Variants in IQANK1 observed in about 807,000 individuals in gnomAD.
IQANK1 encodes IQ motif and ankyrin repeat containing 1.
Under a neutral mutation model 22.6 loss-of-function variants are expected in IQANK1, and 30 were observed. The observed-to-expected ratio is 1.33, with a 90% confidence interval of 0.99 to 1.80. The LOEUF (loss-of-function observed/expected upper bound fraction) is 1.80. IQANK1 is among the 40% of genes most tolerant of loss of function. IQANK1 has a pLI of 0.00. For synonymous variants in IQANK1, 122 were observed against 99.6 expected, an observed-to-expected ratio of 1.23 and a Z score of -1.34; for missense variants, 275 against 235.2, an observed-to-expected ratio of 1.17 and a Z score of -1.11.
chr8:143,787,132 A>G (rs934419343), intron 7 of IQANK1, among the ~76,000 whole-genome samples: 7 of 152,074 alleles, frequency 4.6e-5, no homozygotes, highest in Non-Finnish European at 7.4e-5. Context: ...CTCATCCACC[A>G]CTGGCAGACG....
chr8:143,774,454 C>A lies in IQANK1; in HGVS notation c.789+1972C>A, dbSNP rs1819645287. On this transcript the variant is annotated intron_variant, in intron 7 of 13. Transcript: ENST00000527139. This position sits in a 1 kb window ranked among gnomAD's most constrained non-coding sequence, Gnocchi z 4.2. ...CAGATGAACACCCGAGGAGGTGTTG[C>A]ACACCACCTCACACCTCCCAGGACA... 1.3e-5 allele frequency among the ~76,000 whole-genome samples: 2 copies of A among 152,272 alleles called. No individual in the cohort carries two copies. Among genetic ancestry groups the A allele is most frequent in the South Asian group, 4.1e-4 (2 of 4,824 alleles).
intron 2 of IQANK1, among the ~76,000 whole-genome samples, chr8:143,738,173 G>A (rs781887468): frequency 5.3e-5 from 8 of 152,146 alleles, no homozygotes; most frequent in Middle Eastern, 3.2e-3. Flanking sequence ...CCCAGCTGCC[G>A]GCTGGGCCCT....
At chr8:143,753,035 A>G (rs1288409095) in intron 3 of IQANK1, among the ~76,000 whole-genome samples, 3 of 109,536 alleles carry the variant, frequency 2.7e-5, no homozygotes, top group African/African-American at 1.1e-4. Flanking sequence ...ACAGGGTCTC[A>G]CTCTGTCACC....
At chr8:143,776,284 G>A (rs1341498290) in intron 7 of IQANK1, among the ~76,000 whole-genome samples, 4 of 124,620 alleles carry the variant, frequency 3.2e-5, no homozygotes, top group African/African-American at 7.3e-5. Context: ...TGGCGCCACT[G>A]CAGTCCGCAG....
intron 7 of IQANK1, among the ~76,000 whole-genome samples, chr8:143,775,341 C>CAG (rs1819661815): frequency 6.7e-6 from 1 of 150,196 alleles, no homozygotes; most frequent in Non-Finnish European, 1.5e-5. Flanking sequence ...ATGCTACACA[C>CAG]ACACACACAC....
intron 7 of IQANK1, among the ~76,000 whole-genome samples, chr8:143,778,039 A>G (rs1382556862): frequency 2.0e-5 from 3 of 152,012 alleles, no homozygotes; most frequent in African/African-American, 7.2e-5. Flanking sequence ...CTAAAAATAC[A>G]AAAAAATTAG....
chr8:143,784,138 T>C (rs1054073333), intron 7 of IQANK1, among the ~76,000 whole-genome samples: 4 of 152,064 alleles, frequency 2.6e-5, no homozygotes. Context: ...CATTTCTGTA[T>C]CAACCAGGAT....
At chr8:143,744,091 C>CA (rs1818981043) in intron 3 of IQANK1, 2 of 245,356 alleles carry the variant, frequency 8.2e-6, no homozygotes, top group South Asian at 8.0e-5. Context: ...CTCAGCCTCC[C>CA]AAAGTGCTGG....
rs1554625497 is a variant in IQANK1, at chr8:143,735,288, G to T, written c.-4-562G>T. On this transcript the variant is annotated intron_variant, in intron 1 of 13. Coordinates refer to ENST00000527139, the MANE Select transcript of IQANK1 (RefSeq NM_001381874.1). The surrounding 1 kb of genome is among the most constrained non-coding windows in gnomAD (Gnocchi z 5.2). Reference sequence around the variant, plus strand: ...GCCTCCCAGGGAAATGAACTTGGGGGTCAGCTGTGTGGACTAGGGAGAGGG... The same window carrying T: ...GCCTCCCAGGGAAATGAACTTGGGGTTCAGCTGTGTGGACTAGGGAGAGGG... 1.3e-5 allele frequency among the ~76,000 whole-genome samples: 2 copies of T among 152,174 alleles called. No homozygotes were observed. The highest frequency in any genetic ancestry group is 2.9e-5 in the Non-Finnish European group (2 of 68,042).
chr8:143,744,938 T>G (rs1554627070), intron 3 of IQANK1: 1 of 152,286 alleles, frequency 6.6e-6, no homozygotes, highest in African/African-American at 2.4e-5. Flanking sequence ...AGGGGTGTGG[T>G]GATCTTGTCA....
In IQANK1 at chr8:143,773,556, C is replaced by A. The variant is rs2129915020; in HGVS notation, c.789+1074C>A. ...CCCCCACCCCACCCCTAACCTCACC[C>A]CACATCCCACACAAATCTGGAGGTG... On this transcript the variant is annotated intron_variant, in intron 7 of 13. Transcript: ENST00000527139. Among the ~76,000 whole-genome samples, 2 of 152,308 alleles carry A rather than the reference C, an allele frequency of 1.3e-5. 1 individual carries two copies. The highest frequency in any genetic ancestry group is 4.1e-4 in the South Asian group (2 of 4,826).
intron 3 of IQANK1, among the ~76,000 whole-genome samples, chr8:143,740,363 T>C (rs902557347): frequency 4.6e-5 from 7 of 152,226 alleles, no homozygotes; most frequent in African/African-American, 1.2e-4. Context: ...CGGATCGCCT[T>C]CTCAGGCTCT....
intron 7 of IQANK1, among the ~76,000 whole-genome samples, chr8:143,784,254 A>G (rs1326310997): frequency 6.6e-6 from 1 of 152,068 alleles, no homozygotes; most frequent in Non-Finnish European, 1.5e-5. Flanking sequence ...TGATTGGATC[A>G]CGGGGGCTGA....
At chr8:143,775,190 AGTTT>A (rs1187440678) in intron 7 of IQANK1, among the ~76,000 whole-genome samples, 1 of 152,128 alleles carries the variant, frequency 6.6e-6, no homozygotes, top group Non-Finnish European at 1.5e-5. Flanking sequence ...TCAGTATCCT[AGTTT>A]GTATGTTGTA....
At chr8:143,738,396 C>A (rs11775806) in intron 2 of IQANK1, among the ~76,000 whole-genome samples, 1 of 152,216 alleles carries the variant, frequency 6.6e-6, no homozygotes, top group African/African-American at 2.4e-5. Context: ...CTGCCCCTTG[C>A]TGGAGCCCGC....
In IQANK1 at chr8:143,771,838, C is replaced by A; in HGVS notation, c.344C>A (p.Ala115Glu). The change falls in exon 5 of 14, where the codon GCG becomes GAG. Residue 115 changes from alanine (A) to glutamate (E), a missense_variant. Coordinates refer to ENST00000527139, the MANE Select transcript of IQANK1 (RefSeq NM_001381874.1). The surrounding 1 kb of genome is among the most constrained non-coding windows in gnomAD (Gnocchi z 6.0). ...LAPVRREQEA[A>E]RRLREQEEAA... ...CCGGTGCGCCGGGAGCAGGAGGCCGCGCGGCGGCTGCGCGAGCAGGAGGAG... is the reference window on the plus strand; with the variant it reads ...CCGGTGCGCCGGGAGCAGGAGGCCGAGCGGCGGCTGCGCGAGCAGGAGGAG... 2.5e-6 allele frequency: 1 copy of A among 395,538 alleles called. No homozygotes were observed. The highest frequency in any genetic ancestry group is 4.5e-6 in the Non-Finnish European group (1 of 224,092). The allele number at this position is 395,538 out of a possible 1,614,324, so 24.5% of individuals were successfully genotyped here.
Position 143,757,429 on chromosome 8 carries a change from C to T in IQANK1, c.176-14059C>T, listed in dbSNP as rs973531890. Reference sequence around the variant, plus strand: ...TTGGCTCACTGCAAGCTCCGCCTCCCGGGTTCATGCCATTCTTCTGCCTCA... The same window carrying T: ...TTGGCTCACTGCAAGCTCCGCCTCCTGGGTTCATGCCATTCTTCTGCCTCA... On this transcript the variant is annotated intron_variant, in intron 3 of 13. Transcript: ENST00000527139. Among the ~76,000 whole-genome samples the T allele has an allele frequency of 5.9e-5, 9 of 151,884 alleles. No homozygotes were observed. The South Asian group carries it at 6.2e-4, about 10-fold the overall frequency.
chr8:143,743,804 T>A (rs1432585695), intron 3 of IQANK1: 1 of 416,228 alleles, frequency 2.4e-6, no homozygotes, highest in African/African-American at 2.1e-5. Flanking sequence ...TAGTTTCATA[T>A]ATTGTAGTTT....
chr8:143,779,730 C>T (rs1326845374), intron 7 of IQANK1, among the ~76,000 whole-genome samples: 2 of 152,160 alleles, frequency 1.3e-5, no homozygotes, highest in Non-Finnish European at 2.9e-5. Flanking sequence ...AATCTGTTTC[C>T]ATATATTCAG....
Sources: allele counts gnomAD v4.1 joint callset (sites outside exome capture counted in the v4.1 genomes callset), GRCh38; gene constraint gnomAD v4.1.1; non-coding constraint Gnocchi (gnomAD v3.1); transcripts MANE v1.5; gene names NCBI Gene and HGNC (gene_info 2026-07-23, HGNC 2026-07-21).